Variants in NAV1 observed in about 807,000 individuals in gnomAD.
NAV1 encodes the protein neuron navigator 1, also known as pore membrane and/or filament interacting like protein 3.
Under a neutral mutation model 175.2 loss-of-function variants are expected in NAV1, and 18 were observed. That is an observed-to-expected ratio of 0.10 (90% CI 0.07 to 0.15). NAV1 has a LOEUF of 0.15. Among genes scored for constraint, NAV1 ranks in the 10% least tolerant of loss-of-function variants. The pLI, the probability that NAV1 is intolerant of heterozygous loss-of-function variation, is 1.00. For synonymous variants in NAV1, 897 were observed against 978.7 expected (o/e 0.92, Z 1.56); for missense variants, 1,731 against 2,436.6 (o/e 0.71, Z 6.10).
In NAV1 at chr1:201,787,546, TAAG is replaced by T. The variant is rs1288129243; in HGVS notation, c.2996-916_2996-914del. 9 of 412,316 alleles carry T rather than the reference TAAG, an allele frequency of 2.2e-5. No homozygotes were observed. The highest frequency in any genetic ancestry group is 1.6e-4 in the African/African-American group (8 of 48,788). 25.5% of individuals were successfully genotyped at this position (412,316 alleles called of 1,614,324 possible). A position where few individuals can be genotyped will look rare whatever the true frequency, so the allele number is the denominator to read the frequency against. On this transcript the variant is annotated intron_variant, in intron 9 of 29. Coordinates refer to ENST00000367296, the Ensembl canonical transcript of NAV1. This position sits in a 1 kb window ranked among gnomAD's most constrained non-coding sequence, Gnocchi z 4.3. ...TTCTCTATCTCCATTGAAGACCAAA[TAAG>T]AAGAATTGCATTTATGCTGCAGAAT...
intron 1 of NAV1, among the ~76,000 whole-genome samples, chr1:201,560,507 G>T (rs1666167341): frequency 6.6e-6 from 1 of 152,210 alleles, no homozygotes. Flanking sequence ...ACAGGCAAGA[G>T]CCCAGTGACC....
At chr1:201,624,561 T>A (rs1006870807) in intron 1 of NAV1, among the ~76,000 whole-genome samples, 4 of 151,912 alleles carry the variant, frequency 2.6e-5, no homozygotes, top group African/African-American at 9.7e-5. Flanking sequence ...TTAGCCAGCA[T>A]GGTCTCGATC....
chr1:201,671,254 C>G (rs1049079144), intron 1 of NAV1, among the ~76,000 whole-genome samples: 80 of 152,198 alleles, frequency 5.3e-4, no homozygotes, highest in Non-Finnish European at 2.6e-4. Context: ...AGTGCTAAAT[C>G]TCAGTGTGCC....
chr1:201,669,876 C>A (rs1669968849), intron 1 of NAV1, among the ~76,000 whole-genome samples: 1 of 152,116 alleles, frequency 6.6e-6, no homozygotes, highest in African/African-American at 2.4e-5. Context: ...GCCTGGTGCA[C>A]TGTGTTCCCT....
chr1:201,709,331 G>A (rs1002014928), intron 1 of NAV1, among the ~76,000 whole-genome samples: 1 of 152,108 alleles, frequency 6.6e-6, no homozygotes, highest in Non-Finnish European at 1.5e-5. Context: ...GAATGGATGA[G>A]GGTTGAGAGG....
intron 2 of NAV1, among the ~76,000 whole-genome samples, chr1:201,714,452 C>T (rs931176517): frequency 4.6e-5 from 7 of 152,306 alleles, no homozygotes; most frequent in African/African-American, 7.2e-5. Flanking sequence ...TAAATCAAAA[C>T]TCTCTGGGGA....
chr1:201,820,062 G>A, exon 30 of NAV1: 2 of 838,446 alleles, frequency 2.4e-6, no homozygotes, highest in South Asian at 1.6e-5. Context: ...GGGAGGAGGA[G>A]ATGAAAGAGG....
At chr1:201,625,152 C>T (rs751228292) in intron 1 of NAV1, among the ~76,000 whole-genome samples, 3 of 152,122 alleles carry the variant, frequency 2.0e-5, no homozygotes, top group Non-Finnish European at 2.9e-5. Flanking sequence ...AAGACTGACA[C>T]GTTGCTGGGG....
intron 1 of NAV1, 148 bp from the exon 4 acceptor site, chr1:201,629,256 A>T (rs1571852951): frequency 2.5e-6 from 1 of 392,608 alleles, no homozygotes; most frequent in East Asian, 8.9e-5. Context: ...ATGTGCACAT[A>T]CCCATCAGGG....
In NAV1 at chr1:201,632,108, G is replaced by A. The variant is rs190825510; in HGVS notation, c.4+2601G>A. On this transcript the variant is annotated intron_variant, in intron 2 of 29. Coordinates refer to the NAV1 transcript ENST00000367302. ...TCTTCCAAGCTCACTGAATGGGTTT[G>A]GGGGGTGAGTGCAGAGTCTTTGAGC... 7.2e-5 allele frequency among the ~76,000 whole-genome samples: 11 copies of A among 152,326 alleles called. No individual in the cohort carries two copies. The East Asian group carries it at 2.1e-3, about 29-fold the overall frequency.
At chr1:201,706,004 G>A (rs908543983) in intron 1 of NAV1, among the ~76,000 whole-genome samples, 13 of 152,178 alleles carry the variant, frequency 8.5e-5, no homozygotes, top group African/African-American at 3.1e-4. Context: ...GTTAGACCAA[G>A]GAGTGCACTG....
chr1:201,672,821 A>C (rs892276552), intron 1 of NAV1, among the ~76,000 whole-genome samples: 3 of 152,216 alleles, frequency 2.0e-5, no homozygotes, highest in Non-Finnish European at 4.4e-5. Context: ...TGCATGTTGT[A>C]AAAAACCTGC....
At chr1:201,734,458 GGAGGAGGAGGAA>G (rs1409849288) in intron 3 of NAV1, among the ~76,000 whole-genome samples, 2 of 113,850 alleles carry the variant, frequency 1.8e-5, no homozygotes, top group African/African-American at 6.0e-5. Flanking sequence ...AAGAGGAGGA[GGAGGAGGAGGAA>G]GAGGAGGAGG....
intron 1 of NAV1, among the ~76,000 whole-genome samples, chr1:201,584,573 T>C (rs1443650171): frequency 6.6e-6 from 1 of 152,216 alleles, no homozygotes; most frequent in Non-Finnish European, 1.5e-5. Context: ...GGAGATGGAA[T>C]ACAGCTGCTA....
intron 3 of NAV1, among the ~76,000 whole-genome samples, chr1:201,733,008 T>C (rs1410340811): frequency 1.3e-5 from 2 of 151,172 alleles, no homozygotes; most frequent in East Asian, 3.9e-4. Context: ...GAGGCGGAGG[T>C]TGCAGTGAGC....
intron 3 of NAV1, among the ~76,000 whole-genome samples, chr1:201,760,265 G>C (rs537644247): frequency 6.6e-6 from 1 of 152,298 alleles, no homozygotes; most frequent in Admixed American, 6.5e-5. Flanking sequence ...CAAGGGGTTC[G>C]AGACTAGCCT....
chr1:201,772,169 A>T (rs1194623559), intron 3 of NAV1, among the ~76,000 whole-genome samples: 1 of 152,232 alleles, frequency 6.6e-6, no homozygotes, highest in Non-Finnish European at 1.5e-5. Context: ...AGACCACTCT[A>T]ACAGAAGTAT....
At chr1:201,559,912 C>T (rs1339208313) in intron 1 of NAV1, among the ~76,000 whole-genome samples, 1 of 152,210 alleles carries the variant, frequency 6.6e-6, no homozygotes, top group Non-Finnish European at 1.5e-5. Context: ...AGCTCTGCAT[C>T]TTGTGGGCTA....
At chr1:201,748,172 T>C (rs773269358) in intron 3 of NAV1, among the ~76,000 whole-genome samples, 4 of 152,226 alleles carry the variant, frequency 2.6e-5, no homozygotes, top group African/African-American at 7.2e-5. Flanking sequence ...ATTTATTAAT[T>C]TTCCTTGTCC....
Sources: allele counts gnomAD v4.1 joint callset (sites outside exome capture counted in the v4.1 genomes callset), GRCh38; gene constraint gnomAD v4.1.1; non-coding constraint Gnocchi (gnomAD v3.1); transcripts MANE v1.5; gene names NCBI Gene and HGNC (gene_info 2026-07-23, HGNC 2026-07-21).